Variants in TMEM132E observed in about 807,000 individuals in gnomAD.
The protein encoded by TMEM132E is transmembrane protein 132E.
Under a neutral mutation model 78.5 loss-of-function variants are expected in TMEM132E, and 49 were observed. That is an observed-to-expected ratio of 0.62 (90% CI 0.50 to 0.79). The LOEUF (loss-of-function observed/expected upper bound fraction) is 0.79, where lower values mean the gene tolerates loss of function less well. TMEM132E is among the 30% of genes least tolerant of loss of function. The pLI is 0.00. For synonymous variants in TMEM132E, 715 were observed against 670.6 expected, an observed-to-expected ratio of 1.07 and a Z score of -1.02; for missense variants, 1,403 against 1,470.9, an observed-to-expected ratio of 0.95 and a Z score of 0.75.
chr17:34,600,415 G>C (rs1047186102), intron 1 of TMEM132E, among the ~76,000 whole-genome samples: 1 of 139,640 alleles, frequency 7.2e-6, no homozygotes, highest in Non-Finnish European at 1.5e-5. Context: ...TGTTAAGTTT[G>C]AGCGTATATG....
chr17:34,629,758 A>G (rs1907287895), intron 4 of TMEM132E, among the ~76,000 whole-genome samples: 1 of 152,028 alleles, frequency 6.6e-6, no homozygotes, highest in Non-Finnish European at 1.5e-5. Flanking sequence ...GGGCCTGGGG[A>G]AGGGTTGTTT....
At chr17:34,591,320 T>TTTG (rs35788790) in intron 1 of TMEM132E, among the ~76,000 whole-genome samples, 2 of 150,774 alleles carry the variant, frequency 1.3e-5, no homozygotes, top group South Asian at 2.1e-4. Context: ...TTTTTTTTTT[T>TTTG]GAAAGACAAA....
chr17:34,598,573 C>G (rs1481387532), intron 1 of TMEM132E, among the ~76,000 whole-genome samples: 3 of 152,200 alleles, frequency 2.0e-5, no homozygotes, highest in Non-Finnish European at 4.4e-5. Flanking sequence ...CTGCCCACCC[C>G]TGACAGAAGG....
chr17:34,580,921 G>T lies in TMEM132E; in HGVS notation c.-156G>T. 1 of 500,668 alleles carries T rather than the reference G, an allele frequency of 2.0e-6. No individual in the cohort carries two copies. The highest frequency in any genetic ancestry group is 3.4e-5 in the East Asian group (1 of 29,088). The allele number at this position is 500,668 out of a possible 1,614,324, so 31.0% of individuals were successfully genotyped here. On this transcript the variant is annotated 5_prime_UTR_variant, in exon 1 of 9. Transcript: ENST00000631683. The stretch of plus-strand genomic sequence containing the variant: ...CCAGCGCCTGGGACGCCCCCTCCCC[G>T]CAAAGTGTCCCCGAATTGCACTCTC...
intron 1 of TMEM132E, among the ~76,000 whole-genome samples, chr17:34,589,651 C>T (rs529712645): frequency 3.9e-4 from 60 of 152,096 alleles, no homozygotes; most frequent in Admixed American, 7.2e-4. Context: ...CTGAGCACCC[C>T]GCAAAGGCCC....
At position 34,632,586 on chromosome 17, in the gene TMEM132E, T is replaced by G. The variant is rs903389393; in HGVS notation, c.1483-118T>G. The G allele has an allele frequency of 3.6e-5, 36 of 1,003,426 alleles. No individual in the cohort carries two copies. In the African/African-American group the frequency reaches 5.7e-4, roughly 16 times the overall value. 62.2% of individuals were successfully genotyped at this position (1,003,426 alleles called of 1,614,324 possible). On this transcript the variant is annotated intron_variant, in intron 5 of 8. Coordinates refer to ENST00000631683, the MANE Select transcript of TMEM132E (RefSeq NM_001304438.2). ...TCAGTGCTTCCTTCCACTGGCCTCC[T>G]CCCCTTCAGCCTCCTAGGACTTTCC...
chr17:34,616,409 T>C (rs1207243225), intron 1 of TMEM132E, among the ~76,000 whole-genome samples: 1 of 152,220 alleles, frequency 6.6e-6, no homozygotes, highest in Non-Finnish European at 1.5e-5. Flanking sequence ...TGCTGGTGGC[T>C]TCAGTGGCTC....
In TMEM132E at chr17:34,636,070, G is replaced by A; in HGVS notation, c.2041G>A (p.Val681Ile). ...GCTGCTGACGGTGACTGAGGAGAAG[G>A]TCAGCATCACACAGCTTCAGGCCCA... ...ETLLTVTEEK[V>I]SITQLQAQVV... The change falls in exon 8 of 9, where the codon GTC (valine) becomes ATC (isoleucine). Residue 681 changes from valine (V) to isoleucine (I), a missense_variant. Physicochemically the swap from Val to Ile is conservative, Grantham distance 29 (BLOSUM62 3). Transcript: ENST00000631683. 6.3e-7 allele frequency: 1 copy of A among 1,589,398 alleles called. No individual in the cohort carries two copies. The highest frequency in any genetic ancestry group is 2.4e-5 in the East Asian group (1 of 41,918).
In TMEM132E at chr17:34,626,998, C is replaced by G. The variant is rs939106941; in HGVS notation, c.939C>G (p.Leu313=). The G allele has an allele frequency of 9.3e-6, 15 of 1,613,896 alleles. No homozygotes were observed. Among genetic ancestry groups the G allele is most frequent in the Non-Finnish European group, 1.3e-5 (15 of 1,180,018 alleles). ...LKPGEVLSIL[L]YLAPNSSSPS... ...CCGGGGAAGTGCTCAGCATCCTCCT[C>G]TATCTGGCCCCCAACTCCTCCTCGC... The change falls in exon 2 of 9, where the codon CTC becomes CTG. Residue 313 remains leucine (L), a synonymous_variant. Transcript: ENST00000631683.
chr17:34,621,593 C>T (rs535513214), intron 1 of TMEM132E, among the ~76,000 whole-genome samples: 10 of 152,270 alleles, frequency 6.6e-5, no homozygotes, highest in South Asian at 6.2e-4. Flanking sequence ...TCTCAGGAGA[C>T]GGCAGCAAGG....
At chr17:34,635,655 T>C (rs1260559898) in intron 7 of TMEM132E, 1 of 229,686 alleles carries the variant, frequency 4.4e-6, no homozygotes, top group Admixed American at 5.7e-5. Flanking sequence ...TACACGAGAA[T>C]GAGTTCCCTC....
chr17:34,617,079 A>C (rs902760615), intron 1 of TMEM132E, among the ~76,000 whole-genome samples: 3 of 152,230 alleles, frequency 2.0e-5, no homozygotes, highest in Non-Finnish European at 2.9e-5. Flanking sequence ...ACCGGGCCCA[A>C]GTCATCACCT....
At chr17:34,585,819 C>G (rs1227205282) in intron 1 of TMEM132E, among the ~76,000 whole-genome samples, 2 of 152,224 alleles carry the variant, frequency 1.3e-5, no homozygotes, top group African/African-American at 4.8e-5. Flanking sequence ...CAGACCTGAC[C>G]TCCAGCTCTT....
intron 1 of TMEM132E, among the ~76,000 whole-genome samples, chr17:34,592,286 G>C (rs2142053053): frequency 6.6e-6 from 1 of 152,258 alleles, no homozygotes; most frequent in Non-Finnish European, 1.5e-5. Context: ...CCCAACCGGG[G>C]TGGAGGAGGC....
At chr17:34,581,171 G>A in intron 1 of TMEM132E, 28 bp downstream of exon 1, 3 of 1,495,146 alleles carry the variant, frequency 2.0e-6, no homozygotes, top group South Asian at 1.3e-5. Context: ...GACTGGGGGT[G>A]AGGATGCGGC....
At chr17:34,628,872 T>G in intron 3 of TMEM132E, 140 bp from the exon 4 acceptor site, 2 of 1,370,552 alleles carry the variant, frequency 1.5e-6, no homozygotes, top group Non-Finnish European at 2.0e-6. Flanking sequence ...CTGGAGCACC[T>G]CAGATGGGCT....
At chr17:34,615,801 C>T (rs1906762976) in intron 1 of TMEM132E, among the ~76,000 whole-genome samples, 1 of 151,886 alleles carries the variant, frequency 6.6e-6, no homozygotes, top group Admixed American at 6.6e-5. Context: ...TCTCTGCCTC[C>T]TGACTCAGGA....
chr17:34,627,467 C>CGTGTGTGCGTGCGCGCGCGCGTGTGTGT (rs1555564416), intron 2 of TMEM132E, among the ~76,000 whole-genome samples: 22 of 126,534 alleles, frequency 1.7e-4, no homozygotes, highest in African/African-American at 6.3e-4. Context: ...CCAAAAGAAT[C>CGTGTGTGCGTGCGCGCGCGCGTGTGTGT]GTGTGTGTGT....
chr17:34,584,917 C>A (rs1250930145), intron 1 of TMEM132E, among the ~76,000 whole-genome samples: 2 of 152,214 alleles, frequency 1.3e-5, no homozygotes, highest in African/African-American at 2.4e-5. Flanking sequence ...TGATCCCCAG[C>A]CCAGCAACCT....
Sources: gnomAD v4.1 joint callset for allele counts (sites outside exome capture counted in the v4.1 genomes callset) on GRCh38, gnomAD v4.1.1 for gene constraint, MANE v1.5 for transcripts, NCBI Gene and HGNC (gene_info 2026-07-23, HGNC 2026-07-21) for gene names.